Variants in EPHA6 observed in about 807,000 individuals in gnomAD.
EPHA6 encodes the protein ephrin type-A receptor 6.
In EPHA6, 50 loss-of-function variants were observed where a neutral mutation model predicts 112.0. That is an observed-to-expected ratio of 0.45 (90% CI 0.36 to 0.56). The LOEUF is 0.56. EPHA6 is among the 20% of genes least tolerant of loss of function. EPHA6 has a pLI of 0.00. For missense variants in EPHA6, 1,280 were observed against 1,417.4 expected, an observed-to-expected ratio of 0.90 and a Z score of 1.56; for synonymous variants, 529 against 490.7, an observed-to-expected ratio of 1.08 and a Z score of -1.03.
chr3:97,267,275 C>T lies in EPHA6; in HGVS notation c.1606+22988C>T, dbSNP rs921917219. The stretch of plus-strand genomic sequence containing the variant: ...CAATGGGTCTATCTTGGTGGGAAAT[C>T]TCTTAATGCTTTTTATGAACACAGA... On this transcript the variant is annotated intron_variant, in intron 5 of 17. Coordinates refer to ENST00000389672, the MANE Select transcript of EPHA6 (RefSeq NM_001080448.3). Among the ~76,000 whole-genome samples the T allele has an allele frequency of 2.0e-5, 3 of 151,904 alleles. No individual in the cohort carries two copies. In the South Asian group the frequency reaches 6.3e-4, roughly 32 times the overall value.
At chr3:97,694,991 T>C (rs2032938756) in intron 14 of EPHA6, among the ~76,000 whole-genome samples, 1 of 152,232 alleles carries the variant, frequency 6.6e-6, no homozygotes. Context: ...AATGTGTTTT[T>C]TTCCTGAGGA....
chr3:97,296,657 A>G (rs1054214815), intron 5 of EPHA6, among the ~76,000 whole-genome samples: 4 of 152,106 alleles, frequency 2.6e-5, no homozygotes, highest in Non-Finnish European at 5.9e-5. Context: ...AACAAATCCA[A>G]TCTTTGGGAT....
chr3:97,187,606 A>T (rs1386473769), intron 3 of EPHA6, among the ~76,000 whole-genome samples: 1 of 148,584 alleles, frequency 6.7e-6, no homozygotes, highest in African/African-American at 2.5e-5. Context: ...AAGAAAAGAG[A>T]AAGAAAGAAA....
chr3:97,396,291 G>A (rs2086690155), intron 5 of EPHA6, among the ~76,000 whole-genome samples: 2 of 148,358 alleles, frequency 1.3e-5, no homozygotes, highest in Admixed American at 6.8e-5. Flanking sequence ...ACGTGCACAC[G>A]CACACACCCT....
At chr3:97,137,866 T>C (rs1013317104) in intron 3 of EPHA6, among the ~76,000 whole-genome samples, 8 of 152,104 alleles carry the variant, frequency 5.3e-5, no homozygotes, top group African/African-American at 9.7e-5. Flanking sequence ...TAAATAAATG[T>C]AATTTTTAAA....
intron 5 of EPHA6, among the ~76,000 whole-genome samples, chr3:97,278,325 T>C (rs1441186043): frequency 6.6e-6 from 1 of 152,242 alleles, no homozygotes; most frequent in African/African-American, 2.4e-5. Flanking sequence ...GTTATGCTGA[T>C]ACTTAAAGAT....
intron 3 of EPHA6, among the ~76,000 whole-genome samples, chr3:97,206,399 A>C (rs1169163039): frequency 1.3e-5 from 2 of 152,054 alleles, no homozygotes; most frequent in African/African-American, 2.4e-5. Context: ...ACCCTTGATA[A>C]CCATACCCTA....
chr3:97,223,067 GA>G (rs1040139130), intron 3 of EPHA6, among the ~76,000 whole-genome samples: 26 of 152,276 alleles, frequency 1.7e-4, no homozygotes, highest in African/African-American at 5.8e-4. Flanking sequence ...CTTAAAGCAG[GA>G]GAAAGAGCAT....
At chr3:97,439,077 G>A (rs558031554) in intron 6 of EPHA6, among the ~76,000 whole-genome samples, 13 of 152,040 alleles carry the variant, frequency 8.6e-5, no homozygotes, top group Admixed American at 2.0e-4. Flanking sequence ...TCTATCATCA[G>A]TGTACTTCTG....
At chr3:97,636,618 T>C (rs2093947722) in intron 13 of EPHA6, among the ~76,000 whole-genome samples, 1 of 152,126 alleles carries the variant, frequency 6.6e-6, no homozygotes, top group Non-Finnish European at 1.5e-5. Flanking sequence ...TCATTTGTAG[T>C]ATAAGCTTAT....
At chr3:97,507,505 G>A (rs2092278691) in intron 10 of EPHA6, among the ~76,000 whole-genome samples, 1 of 152,146 alleles carries the variant, frequency 6.6e-6, no homozygotes, top group Admixed American at 6.5e-5. Context: ...TGCATCCCAG[G>A]GGTGAAGCTG....
At chr3:97,563,520 A>G (rs1172526363) in intron 11 of EPHA6, among the ~76,000 whole-genome samples, 1 of 152,186 alleles carries the variant, frequency 6.6e-6, no homozygotes, top group Non-Finnish European at 1.5e-5. Context: ...CCCAGGGGTG[A>G]TGGGAAATTT....
intron 11 of EPHA6, among the ~76,000 whole-genome samples, chr3:97,546,614 C>T (rs1304130001): frequency 2.0e-5 from 3 of 152,152 alleles, no homozygotes; most frequent in Non-Finnish European, 4.4e-5. Flanking sequence ...GTTGGCCTGC[C>T]TTGCTATATT....
At chr3:97,545,532 G>A (rs570219162) in intron 11 of EPHA6, among the ~76,000 whole-genome samples, 150 of 152,296 alleles carry the variant, frequency 9.8e-4, no homozygotes, top group African/African-American at 3.4e-3. Flanking sequence ...TGAAAAGAAT[G>A]TATACTCTGT....
chr3:97,072,062 G>T (rs150929550), intron 3 of EPHA6, among the ~76,000 whole-genome samples: 51 of 152,034 alleles, frequency 3.4e-4, no homozygotes, highest in Admixed American at 1.3e-4. Flanking sequence ...CAGAGGAAAA[G>T]AAGTCATTAT....
At chr3:97,246,625 T>C (rs1416319926) in intron 5 of EPHA6, among the ~76,000 whole-genome samples, 1 of 151,712 alleles carries the variant, frequency 6.6e-6, no homozygotes, top group Non-Finnish European at 1.5e-5. Flanking sequence ...TTAATTTGAT[T>C]TTGTTTTAGA....
At chr3:97,530,056 T>A (rs1026085040) in intron 10 of EPHA6, among the ~76,000 whole-genome samples, 2 of 152,004 alleles carry the variant, frequency 1.3e-5, no homozygotes, top group African/African-American at 4.8e-5. Flanking sequence ...TGGATTTTTA[T>A]CCATACTATC....
At chr3:97,267,967 T>A (rs1188300406) in intron 5 of EPHA6, among the ~76,000 whole-genome samples, 2 of 152,166 alleles carry the variant, frequency 1.3e-5, no homozygotes, top group African/African-American at 4.8e-5. Flanking sequence ...AAAAAGAGTT[T>A]ATTTTTCTCT....
intron 3 of EPHA6, among the ~76,000 whole-genome samples, chr3:97,221,098 A>C (rs984782800): frequency 4.0e-5 from 6 of 151,866 alleles, no homozygotes; most frequent in Non-Finnish European, 8.8e-5. Context: ...GGCGGATCAC[A>C]AAGTCAGGAG....
Sources: gnomAD v4.1 joint callset for allele counts (sites outside exome capture counted in the v4.1 genomes callset) on GRCh38, gnomAD v4.1.1 for gene constraint, MANE v1.5 for transcripts, NCBI Gene and HGNC (gene_info 2026-07-23, HGNC 2026-07-21) for gene names.